The following DCHS1 variants were observed in gnomAD, a reference collection of about 807,000 sequenced individuals.
DCHS1 encodes the protein protocadherin-16.
A neutral mutation model predicts 213.9 loss-of-function variants in DCHS1; 78 were observed. The ratio of observed to expected loss-of-function variants is 0.36; its 90% CI spans 0.30 to 0.44. The LOEUF is 0.44. Among genes scored for constraint, DCHS1 ranks in the 20% least tolerant of loss-of-function variants. The pLI, the probability that DCHS1 is intolerant of heterozygous loss-of-function variation, is 1.00. For synonymous variants in DCHS1, 1,828 were observed against 1,873.7 expected, an observed-to-expected ratio of 0.98 and a Z score of 0.63; for missense variants, 3,946 against 4,395.9, an observed-to-expected ratio of 0.90 and a Z score of 2.89.
chr11:6,630,480 G>C lies in DCHS1; in HGVS notation c.4314C>G (p.Arg1438=). The part of the protein sequence containing the change: ...DENEHAPAFA[R]DPLALALPEN... ...CTGGCAGCGCCAGCGCCAGCGGGTC[G>C]CGCGCAAAGGCGGGCGCATGCTCAT... Residue 1438 remains arginine, a synonymous_variant, in exon 10 of 21, where the codon CGC becomes CGG. Transcript: ENST00000299441. The C allele has an allele frequency of 6.5e-7, 1 of 1,532,054 alleles. No individual in the cohort carries two copies. Among genetic ancestry groups the C allele is most frequent in the Non-Finnish European group, 8.7e-7 (1 of 1,145,692 alleles). 94.9% of individuals were successfully genotyped at this position (1,532,054 alleles called of 1,614,324 possible).
chr11:6,638,059 T>C (rs1856012618), intron 2 of DCHS1, among the ~76,000 whole-genome samples: 1 of 152,134 alleles, frequency 6.6e-6, no homozygotes, highest in African/African-American at 2.4e-5. Flanking sequence ...CTGGAAGCCA[T>C]AGCCCATTGG....
At position 6,627,253 on chromosome 11, in the gene DCHS1, A is replaced by G. The variant is rs1855823677; in HGVS notation, c.5786T>C (p.Val1929Ala). Reference protein sequence around the residue: ...REQCPSYTFSVSAVDGAAAGP... With the variant: ...REQCPSYTFSASAVDGAAAGP... ...AGCAGCTGCACCATCCACTGCACTCACAGAAAAGGTGTAGCTGGGACACTG... is the reference window on the plus strand; with the variant it reads ...AGCAGCTGCACCATCCACTGCACTCGCAGAAAAGGTGTAGCTGGGACACTG... The change falls in exon 14 of 21, where the codon GTG becomes GCG. Residue 1929 changes from valine (V) to alanine (A), a missense_variant. Val to Ala is a moderately conservative substitution (Grantham distance 64, BLOSUM62 0). This residue lies in a region of DCHS1 where 3,384 missense variants were observed against 3,780.1 expected (regional missense o/e 0.90). Transcript: ENST00000299441. This position sits in a 1 kb window ranked among gnomAD's most constrained non-coding sequence, Gnocchi z 5.4. The G allele has an allele frequency of 6.2e-7, 1 of 1,613,296 alleles. No individual in the cohort carries two copies. The highest frequency in any genetic ancestry group is 8.5e-7 in the Non-Finnish European group (1 of 1,179,866).
intron 12 of DCHS1, among the ~76,000 whole-genome samples, 152 bp downstream of exon 12, chr11:6,629,300 C>T (rs1407335647): frequency 6.6e-6 from 1 of 152,236 alleles, no homozygotes; most frequent in Admixed American, 6.5e-5. Flanking sequence ...CCCTGCCAAA[C>T]TCTCGACTCC....
In DCHS1 at chr11:6,622,401, C is replaced by T; in HGVS notation, c.9275G>A (p.Gly3092Asp). Residue 3092 changes from glycine to aspartate, a missense_variant, in exon 21 of 21, where the codon GGC becomes GAC. Physicochemically the swap from Gly to Asp is moderately conservative, Grantham distance 94 (BLOSUM62 -1). Transcript: ENST00000299441. This position sits in a 1 kb window ranked among gnomAD's most constrained non-coding sequence, Gnocchi z 5.4. ...TGGCAGCAGCAGCCCTGCCTTTCGG[C>T]CCTTATACCAGGTGTCAGGGGCAGG... ...EPPAPDTWYK[G>D]RKAGLLLPGA... The T allele has an allele frequency of 6.4e-7, 1 of 1,556,298 alleles. No individual in the cohort carries two copies. Among genetic ancestry groups the T allele is most frequent in the South Asian group, 1.2e-5 (1 of 84,184 alleles).
intron 2 of DCHS1, among the ~76,000 whole-genome samples, chr11:6,639,493 T>A (rs1856033351): frequency 6.6e-6 from 1 of 152,192 alleles, no homozygotes; most frequent in Admixed American, 6.5e-5. Flanking sequence ...AGAAGCCACA[T>A]ACGTATGTAG....
At position 6,641,597 on chromosome 11, in the gene DCHS1, C is replaced by T. The variant is rs1564869795; in HGVS notation, c.17G>A (p.Gly6Asp). ...CATGCCAGGGCAGGAAGGCACAATG[C>T]CCAGCTCCTTCTGCATGACAAGGGT... Reference protein sequence around the residue: MQKELGIVPSCPGMKS... With the variant: MQKELDIVPSCPGMKS... The change falls in exon 2 of 21, where the codon GGC (glycine) becomes GAC (aspartate). Residue 6 changes from glycine (G) to aspartate (D), a missense_variant. Physicochemically the swap from Gly to Asp is moderately conservative, Grantham distance 94. Transcript: ENST00000299441. The surrounding 1 kb of genome is among the most constrained non-coding windows in gnomAD (Gnocchi z 7.1). 4 of 1,547,440 alleles carry T rather than the reference C, an allele frequency of 2.6e-6. No individual in the cohort carries two copies. The highest frequency in any genetic ancestry group is 2.4e-5 in the East Asian group (1 of 40,856).
Position 6,655,662 on chromosome 11 carries a change from A to G in DCHS1, c.-220T>C. 4 of 973,050 alleles carry G rather than the reference A, an allele frequency of 4.1e-6. No homozygotes were observed. Among genetic ancestry groups the G allele is most frequent in the Non-Finnish European group, 3.6e-6 (3 of 825,428 alleles). The allele number at this position is 973,050 out of a possible 1,614,324, so 60.3% of individuals were successfully genotyped here. ...GCTCGCGCGGGGCCTGAGGCCGCGCATCGTCCGCAGTCGCTGTCTCCGAGG... is the reference window on the plus strand; with the variant it reads ...GCTCGCGCGGGGCCTGAGGCCGCGCGTCGTCCGCAGTCGCTGTCTCCGAGG... On this transcript the variant is annotated 5_prime_UTR_variant, in exon 1 of 21. The change abolishes an upstream ATG in the 5' untranslated region. Coordinates refer to ENST00000299441, the MANE Select transcript of DCHS1 (RefSeq NM_003737.4).
At position 6,627,632 on chromosome 11, in the gene DCHS1, C is replaced by G. The variant is rs1238957846; in HGVS notation, c.5407G>C (p.Ala1803Pro). ...DPSGAFVLDL[A>P]SGEFGTMRPL... Reference sequence around the variant, plus strand: ...CGCATGGTGCCAAACTCTCCAGAAGCAAGGTCTAGGACAAAGGCTCCTGAT... The same window carrying G: ...CGCATGGTGCCAAACTCTCCAGAAGGAAGGTCTAGGACAAAGGCTCCTGAT... The change falls in exon 14 of 21, where the codon GCT becomes CCT. Residue 1803 changes from alanine (A) to proline (P), a missense_variant. Coordinates refer to ENST00000299441, the MANE Select transcript of DCHS1 (RefSeq NM_003737.4). The surrounding 1 kb of genome is among the most constrained non-coding windows in gnomAD (Gnocchi z 5.4). 6.2e-7 allele frequency: 1 copy of G among 1,613,226 alleles called. No individual in the cohort carries two copies. The highest frequency in any genetic ancestry group is 1.3e-5 in the African/African-American group (1 of 74,922).
In DCHS1 at chr11:6,628,110, G is replaced by A. The variant is rs1855840842; in HGVS notation, c.5372-443C>T. 6.6e-6 allele frequency among the ~76,000 whole-genome samples: 1 copy of A among 152,184 alleles called. No individual in the cohort carries two copies. The highest frequency in any genetic ancestry group is 2.1e-4 in the South Asian group (1 of 4,824). On this transcript the variant is annotated intron_variant, in intron 13 of 20. Coordinates refer to ENST00000299441, the MANE Select transcript of DCHS1 (RefSeq NM_003737.4). The surrounding 1 kb of genome is among the most constrained non-coding windows in gnomAD (Gnocchi z 4.3). ...GTCTTCAGAGATTCAGTTTGTTCTG[G>A]CTATCTTCAATTATACCTGCTTTAA...
chr11:6,621,683 C>T lies in DCHS1; in HGVS notation c.*96G>A, dbSNP rs574619994. ...GGCCTGGTGGTGGCCTCCCCGTAGC[C>T]AGTCATAGTCCGAGGCTGCCCAGGG... On this transcript the variant is annotated 3_prime_UTR_variant, in exon 21 of 21. Coordinates refer to ENST00000299441, the MANE Select transcript of DCHS1 (RefSeq NM_003737.4). 2 of 1,428,442 alleles carry T rather than the reference C, an allele frequency of 1.4e-6. No individual in the cohort carries two copies. Among genetic ancestry groups the T allele is most frequent in the East Asian group, 2.5e-5 (1 of 40,354 alleles). The allele number at this position is 1,428,442 out of a possible 1,614,324, so 88.5% of individuals were successfully genotyped here. A position where few individuals can be genotyped will look rare whatever the true frequency, so the allele number is the denominator to read the frequency against.
Position 6,627,089 on chromosome 11 carries a change from C to T in DCHS1, c.5950G>A (p.Ala1984Thr). ...PSFSTPTLAL[A>T]TLRAEDRDAG... Reference sequence around the variant, plus strand: ...TCACGATCTTCAGCTCTCAGTGTGGCCAGAGCCAGGGTTGGGGTACTGAAG... The same window carrying T: ...TCACGATCTTCAGCTCTCAGTGTGGTCAGAGCCAGGGTTGGGGTACTGAAG... Residue 1984 changes from alanine (A) to threonine (T), a missense_variant, in exon 14 of 21, where the codon GCC becomes ACC. Physicochemically the swap from Ala to Thr is moderately conservative, Grantham distance 58. Transcript: ENST00000299441. This position sits in a 1 kb window ranked among gnomAD's most constrained non-coding sequence, Gnocchi z 5.4. The T allele has an allele frequency of 6.2e-7, 1 of 1,613,382 alleles. No individual in the cohort carries two copies. The highest frequency in any genetic ancestry group is 2.2e-5 in the East Asian group (1 of 44,880).
intron 2 of DCHS1, among the ~76,000 whole-genome samples, chr11:6,636,994 A>G (rs1435286190): frequency 6.6e-6 from 1 of 152,218 alleles, no homozygotes; most frequent in Non-Finnish European, 1.5e-5. Context: ...CCATCCACAC[A>G]GTTGCTAAAG....
In DCHS1 at chr11:6,622,780, G is replaced by A. The variant is rs753521014; in HGVS notation, c.8896C>T (p.Arg2966Cys). 3.3e-5 allele frequency: 53 copies of A among 1,592,992 alleles called. No homozygotes were observed. Among genetic ancestry groups the A allele is most frequent in the Non-Finnish European group, 3.8e-5 (44 of 1,170,076 alleles). ...LVLGLVRARS[R>C]KAEAAPGPMS... ...GGGCCAGGGGCTGCCTCAGCCTTGC[G>A]GCTACGGGCCCGAACAAGTCCTAGG... is the stretch of plus-strand genomic sequence containing the variant. The change falls in exon 21 of 21, where the codon CGC becomes TGC. Residue 2966 changes from arginine to cysteine, a missense_variant. By Grantham distance (180) the Arg-to-Cys change is radical (BLOSUM62 -3). Coordinates refer to ENST00000299441, the MANE Select transcript of DCHS1 (RefSeq NM_003737.4). The surrounding 1 kb of genome is among the most constrained non-coding windows in gnomAD (Gnocchi z 5.4).
At position 6,640,816 on chromosome 11, in the gene DCHS1, C is replaced by T; in HGVS notation, c.798G>A (p.Glu266=). The stretch of plus-strand genomic sequence containing the variant: ...AGACAGGACTGCCAGGGGCCAGGCT[C>T]TCAGACACCACAGCATGGTAGCGGC... The part of the protein sequence containing the change: ...NQSRYHAVVS[E]SLAPGSPVLQ... Residue 266 remains glutamate (E), a synonymous_variant, in exon 2 of 21, where the codon GAG becomes GAA. Coordinates refer to ENST00000299441, the MANE Select transcript of DCHS1 (RefSeq NM_003737.4). The surrounding 1 kb of genome is among the most constrained non-coding windows in gnomAD (Gnocchi z 6.5). 1 of 1,614,076 alleles carries T rather than the reference C, an allele frequency of 6.2e-7. No homozygotes were observed. The highest frequency in any genetic ancestry group is 1.7e-5 in the Admixed American group (1 of 60,036).
At position 6,622,467 on chromosome 11, in the gene DCHS1, T is replaced by C. The variant is rs1249416942; in HGVS notation, c.9209A>G (p.Gln3070Arg). Reference protein sequence around the residue: ...LAARGPDSGIQQDADGLSDTS... With the variant: ...LAARGPDSGIRQDADGLSDTS... Reference sequence around the variant, plus strand: ...GTCACTCAGACCATCTGCATCCTGCTGGATGCCTGAGTCAGGGCCACGGGC... The same window carrying C: ...GTCACTCAGACCATCTGCATCCTGCCGGATGCCTGAGTCAGGGCCACGGGC... Residue 3070 changes from glutamine to arginine, a missense_variant, in exon 21 of 21, where the codon CAG becomes CGG. This residue lies in a region of DCHS1 where 554 missense variants were observed against 590.2 expected (regional missense o/e 0.94). Coordinates refer to ENST00000299441, the MANE Select transcript of DCHS1 (RefSeq NM_003737.4). The surrounding 1 kb of genome is among the most constrained non-coding windows in gnomAD (Gnocchi z 5.4). 1 of 1,566,258 alleles carries C rather than the reference T, an allele frequency of 6.4e-7. No homozygotes were observed. Among genetic ancestry groups the C allele is most frequent in the South Asian group, 1.2e-5 (1 of 85,074 alleles).
chr11:6,623,880 G>A lies in DCHS1; in HGVS notation c.7796C>T (p.Pro2599Leu). The A allele has an allele frequency of 6.2e-7, 1 of 1,610,956 alleles. No individual in the cohort carries two copies. Among genetic ancestry groups the A allele is most frequent in the Non-Finnish European group, 8.5e-7 (1 of 1,177,626 alleles). The change falls in exon 21 of 21, where the codon CCA (proline) becomes CTA (leucine). Residue 2599 changes from proline to leucine, a missense_variant. By Grantham distance (98) the Pro-to-Leu change is moderately conservative. This residue lies in a region of DCHS1 where 3,384 missense variants were observed against 3,780.1 expected (regional missense o/e 0.90). Coordinates refer to ENST00000299441, the MANE Select transcript of DCHS1 (RefSeq NM_003737.4). ...TVTVLDVNDN[P>L]PVFTRASYRV... is the part of the protein sequence containing the mutation. ...GTAGGATGCTCGGGTAAAGACAGGT[G>A]GGTTGTCATTGACATCTAGTACAGT...
At position 6,628,046 on chromosome 11, in the gene DCHS1, G is replaced by C. The variant is rs1194403442; in HGVS notation, c.5372-379C>G. ...TGCTTATGTATTCCTGTGTGTTCTA[G>C]AATATTCTAGACAGAAAGTTTAGAG... is the stretch of plus-strand genomic sequence containing the variant. On this transcript the variant is annotated intron_variant, in intron 13 of 20. Coordinates refer to ENST00000299441, the MANE Select transcript of DCHS1 (RefSeq NM_003737.4). The surrounding 1 kb of genome is among the most constrained non-coding windows in gnomAD (Gnocchi z 4.3). Among the ~76,000 whole-genome samples the C allele has an allele frequency of 6.6e-6, 1 of 152,180 alleles. No homozygotes were observed. Among genetic ancestry groups the C allele is most frequent in the Non-Finnish European group, 1.5e-5 (1 of 68,036 alleles).
chr11:6,621,508 A>G lies in DCHS1; in HGVS notation c.*271T>C. The G allele has an allele frequency of 3.4e-6, 2 of 581,892 alleles. No homozygotes were observed. The highest frequency in any genetic ancestry group is 6.4e-6 in the Non-Finnish European group (2 of 313,348). The allele number at this position is 581,892 out of a possible 1,614,324, so 36.0% of individuals were successfully genotyped here. A position where few individuals can be genotyped will look rare whatever the true frequency, so the allele number is the denominator to read the frequency against. ...CAGCTCCATCTCAGGGTGCTGGTGCAGGGCAGGGATCCCTCACTGAGGAGA... is the reference window on the plus strand; with the variant it reads ...CAGCTCCATCTCAGGGTGCTGGTGCGGGGCAGGGATCCCTCACTGAGGAGA... On this transcript the variant is annotated 3_prime_UTR_variant, in exon 21 of 21. Coordinates refer to ENST00000299441, the MANE Select transcript of DCHS1 (RefSeq NM_003737.4).
Position 6,627,472 on chromosome 11 carries a change from G to T in DCHS1, c.5567C>A (p.Pro1856His), listed in dbSNP as rs111515657. 3.0e-4 allele frequency: 478 copies of T among 1,611,316 alleles called. 3 individuals are homozygous for T. The African/African-American group carries it at 5.5e-3, about 19-fold the overall frequency. The stretch of plus-strand genomic sequence containing the variant: ...CACCTCCACCGAGTAGGCAGGCACA[G>T]GAAAGGCTGGAGCATGGTCATTGGC... ...LDANDHAPAF[P>H]VPAYSVEVPE... The change falls in exon 14 of 21, where the codon CCT (proline) becomes CAT (histidine). Residue 1856 changes from proline to histidine, a missense_variant. Physicochemically the swap from Pro to His is moderately conservative, Grantham distance 77. Coordinates refer to ENST00000299441, the MANE Select transcript of DCHS1 (RefSeq NM_003737.4). This position sits in a 1 kb window ranked among gnomAD's most constrained non-coding sequence, Gnocchi z 5.4.
Sources: gnomAD v4.1 joint callset for allele counts (sites outside exome capture counted in the v4.1 genomes callset) on GRCh38, gnomAD v4.1.1 for gene constraint, gnomAD v4.1.1 regional missense constraint, Gnocchi (gnomAD v3.1) non-coding constraint, MANE v1.5 for transcripts, NCBI Gene and HGNC (gene_info 2026-07-23, HGNC 2026-07-21) for gene names.